The following LIN7A variants were observed in gnomAD, a reference collection of about 807,000 sequenced individuals.
LIN7A encodes protein lin-7 homolog A.
In LIN7A, 25 loss-of-function variants were observed where a neutral mutation model predicts 29.8. The ratio of observed to expected loss-of-function variants is 0.84; its 90% CI spans 0.61 to 1.17. LIN7A has a LOEUF of 1.17. Ranked by LOEUF, LIN7A falls within the 50% of genes most tolerant of loss-of-function variation. LIN7A has a pLI of 0.00. For synonymous variants in LIN7A, 118 were observed against 107.5 expected (o/e 1.10, Z -0.60); for missense variants, 239 against 287.0 (o/e 0.83, Z 1.21).
At chr12:80,921,628 C>T (rs1300181976) in intron 1 of LIN7A, among the ~76,000 whole-genome samples, 2 of 151,740 alleles carry the variant, frequency 1.3e-5, no homozygotes, top group Non-Finnish European at 2.9e-5. Context: ...GAGGCCCCAC[C>T]CTTCTGACTT....
Position 80,845,864 on chromosome 12 carries a change from C to T in LIN7A, c.349G>A (p.Gly117Ser). ...RVVELPKTDE[G>S]LGFNVMGGKE... The stretch of plus-strand genomic sequence containing the variant: ...CCTCCCATCACATTAAAACCAAGGC[C>T]TTCATCAGTCTTTGGCAGTTCAACT... The change falls in exon 4 of 6, where the codon GGC becomes AGC. Residue 117 changes from glycine (G) to serine (S), a missense_variant. Gly to Ser is a moderately conservative substitution (Grantham distance 56). Transcript: ENST00000552864. 2 of 1,613,214 alleles carry T rather than the reference C, an allele frequency of 1.2e-6. No individual in the cohort carries two copies. The highest frequency in any genetic ancestry group is 1.7e-4 in the Middle Eastern group (1 of 6,056).
chr12:80,818,834 C>T (rs1053464321), intron 4 of LIN7A, among the ~76,000 whole-genome samples: 3 of 152,146 alleles, frequency 2.0e-5, no homozygotes, highest in Non-Finnish European at 4.4e-5. Flanking sequence ...TAGTAAAAGT[C>T]ATCTTAAGGG....
chr12:80,799,702 A>G (rs1221175414), intron 5 of LIN7A, among the ~76,000 whole-genome samples: 3 of 152,220 alleles, frequency 2.0e-5, no homozygotes, highest in Non-Finnish European at 4.4e-5. Context: ...AAAAGGGCAA[A>G]TTATATCCAA....
chr12:80,893,204 G>A (rs1304133361), intron 1 of LIN7A, among the ~76,000 whole-genome samples: 1 of 152,098 alleles, frequency 6.6e-6, no homozygotes, highest in Non-Finnish European at 1.5e-5. Flanking sequence ...GGTGCTGAAT[G>A]GGATTCTTTG....
intron 2 of LIN7A, among the ~76,000 whole-genome samples, chr12:80,868,829 G>A (rs1874277753): frequency 6.6e-6 from 1 of 152,122 alleles, no homozygotes; most frequent in Middle Eastern, 3.2e-3. Context: ...CCTCTGGGCT[G>A]GTTTCAGGTG....
Position 80,937,674 on chromosome 12 carries a change from A to G in LIN7A, c.49T>C (p.Leu17=). ...AGGGTGAGCGGCTGGACCACTGTCAATGTCGCCATGTCTGCCGTGGGAGCC... is the reference window on the plus strand; with the variant it reads ...AGGGTGAGCGGCTGGACCACTGTCAGTGTCGCCATGTCTGCCGTGGGAGCC... ...TSAPTADMAT[L]TVVQPLTLDR... The change falls in exon 1 of 6, where the codon TTG becomes CTG. Residue 17 remains leucine, a synonymous_variant. Transcript: ENST00000552864. 2.6e-6 allele frequency: 4 copies of G among 1,536,770 alleles called. No individual in the cohort carries two copies. Among genetic ancestry groups the G allele is most frequent in the East Asian group, 2.6e-5 (1 of 38,584 alleles).
rs1870287483 is a variant in LIN7A, at chr12:80,793,214, C to T, written c.*4513G>A. The T allele has an allele frequency of 6.6e-6, 1 of 152,108 alleles. No homozygotes were observed. Among genetic ancestry groups the T allele is most frequent in the Non-Finnish European group, 1.5e-5 (1 of 68,018 alleles). The allele number at this position is 152,108 out of a possible 1,614,324, so 9.4% of individuals were successfully genotyped here. A position where few individuals can be genotyped will look rare whatever the true frequency, so the allele number is the denominator to read the frequency against. On this transcript the variant is annotated 3_prime_UTR_variant, in exon 6 of 6. Transcript: ENST00000552864. The stretch of plus-strand genomic sequence containing the variant: ...AGTTTTTGTATCTATAAAATGGAAC[C>T]TACTGAATAGAGTTGTTGAAGGGAT...
chr12:80,868,725 T>A (rs1165874493), intron 2 of LIN7A, among the ~76,000 whole-genome samples: 1 of 152,222 alleles, frequency 6.6e-6, no homozygotes, highest in East Asian at 1.9e-4. Context: ...CCAGGAATGT[T>A]ACCTGCCCAG....
chr12:80,883,198 C>T (rs1365450154), intron 2 of LIN7A, among the ~76,000 whole-genome samples: 1 of 152,002 alleles, frequency 6.6e-6, no homozygotes, highest in Admixed American at 6.6e-5. Flanking sequence ...CTCCTATTAT[C>T]CTTATTTTAT....
chr12:80,897,042 G>T, intron 1 of LIN7A, among the ~76,000 whole-genome samples: 1 of 151,760 alleles, frequency 6.6e-6, no homozygotes, highest in African/African-American at 2.4e-5. Context: ...AGTTTTCCTA[G>T]GAACTATATT....
intron 4 of LIN7A, among the ~76,000 whole-genome samples, chr12:80,814,654 G>T (rs566926295): frequency 6.6e-5 from 10 of 152,186 alleles, no homozygotes; most frequent in Admixed American, 5.2e-4. Flanking sequence ...AGAGAAAAAC[G>T]GCTGGCTGGT....
At chr12:80,835,635 G>A (rs918857696) in intron 4 of LIN7A, among the ~76,000 whole-genome samples, 1 of 152,088 alleles carries the variant, frequency 6.6e-6, no homozygotes, top group Non-Finnish European at 1.5e-5. Context: ...TATTTAAAAG[G>A]TATCCAGCGT....
At chr12:80,872,486 C>T (rs1473672001) in intron 2 of LIN7A, among the ~76,000 whole-genome samples, 1 of 152,162 alleles carries the variant, frequency 6.6e-6, no homozygotes, top group African/African-American at 2.4e-5. Flanking sequence ...TTATAAATTA[C>T]TGCCCTCTCA....
intron 4 of LIN7A, among the ~76,000 whole-genome samples, chr12:80,813,461 A>G (rs1277775908): frequency 6.6e-6 from 1 of 152,220 alleles, no homozygotes; most frequent in African/African-American, 2.4e-5. Context: ...GCATTGAATA[A>G]GCCCTTATTA....
intron 1 of LIN7A, among the ~76,000 whole-genome samples, chr12:80,890,651 C>T (rs182108012): frequency 1.0e-3 from 154 of 152,192 alleles, no homozygotes; most frequent in African/African-American, 3.4e-3. Context: ...GACTGCCAAT[C>T]GTGGGCCAAA....
chr12:80,815,877 T>C (rs1220581464), intron 4 of LIN7A, among the ~76,000 whole-genome samples: 1 of 152,110 alleles, frequency 6.6e-6, no homozygotes, highest in East Asian at 1.9e-4. Context: ...TGAGGAGTGA[T>C]GAGAACAGCC....
chr12:80,893,706 G>T (rs1427566034), intron 1 of LIN7A, among the ~76,000 whole-genome samples: 2 of 152,192 alleles, frequency 1.3e-5, no homozygotes, highest in Admixed American at 1.3e-4. Flanking sequence ...TGAAAGAAGG[G>T]AGGCTAGCAT....
intron 3 of LIN7A, among the ~76,000 whole-genome samples, chr12:80,846,936 T>C (rs1436782283): frequency 2.0e-5 from 3 of 152,226 alleles, no homozygotes; most frequent in Non-Finnish European, 4.4e-5. Context: ...TAAAGTGACT[T>C]ACTCAACACT....
At chr12:80,882,205 TTCTC>T (rs531568461) in intron 2 of LIN7A, among the ~76,000 whole-genome samples, 1 of 151,616 alleles carries the variant, frequency 6.6e-6, no homozygotes, top group Non-Finnish European at 1.5e-5. Flanking sequence ...TGCTAATGGT[TTCTC>T]TAAATATTCT....
Sources: allele counts gnomAD v4.1 joint callset (sites outside exome capture counted in the v4.1 genomes callset), GRCh38; gene constraint gnomAD v4.1.1; transcripts MANE v1.5; gene names NCBI Gene and HGNC (gene_info 2026-07-23, HGNC 2026-07-21).